CALN1: variants seen among roughly 807,000 people sequenced by gnomAD.
The protein encoded by CALN1 is calcium-binding protein 8.
CALN1 carries 17 observed loss-of-function variants against 30.6 expected under a neutral mutation model. The observed-to-expected ratio is 0.56, with a 90% CI of 0.38 to 0.83. The LOEUF is 0.83. Ranked by LOEUF, CALN1 falls within the 40% of genes least tolerant of loss-of-function variation. The pLI is 0.00. For synonymous variants in CALN1, 156 were observed against 131.4 expected (o/e 1.19, Z -1.28); for missense variants, 291 against 354.9 (o/e 0.82, Z 1.45).
chr7:72,027,100 T>C (rs1048639386), intron 4 of CALN1, among the ~76,000 whole-genome samples: 1 of 152,180 alleles, frequency 6.6e-6, no homozygotes, highest in Non-Finnish European at 1.5e-5. Flanking sequence ...ATGTTAGATA[T>C]TACAATGGCT....
intron 4 of CALN1, among the ~76,000 whole-genome samples, chr7:72,063,073 G>A (rs983806846): frequency 1.3e-5 from 2 of 152,052 alleles, no homozygotes; most frequent in African/African-American, 2.4e-5. Flanking sequence ...TACCTCTCAT[G>A]AACTTAGACA....
rs528603835 is a variant in CALN1, at chr7:72,444,388, G to A, written c.-226+2654C>T. ...CTTAATCCCAATTTATTACAGTCAC[G>A]AGGCTCTTTGATCTAACTGGCTCAG... On this transcript the variant is annotated intron_variant, in intron 1 of 6. Transcript: ENST00000395276. Among the ~76,000 whole-genome samples, 5 of 152,214 alleles carry A rather than the reference G, an allele frequency of 3.3e-5. No homozygotes were observed. In the South Asian group the frequency reaches 8.3e-4, roughly 25 times the overall value.
chr7:71,974,525 C>G (rs1224619698), intron 5 of CALN1, among the ~76,000 whole-genome samples: 3 of 151,668 alleles, frequency 2.0e-5, no homozygotes, highest in Non-Finnish European at 2.9e-5. Context: ...AGGCTAGGTG[C>G]CTGTTCCACC....
At chr7:72,184,426 A>G (rs1391996146) in intron 3 of CALN1, among the ~76,000 whole-genome samples, 1 of 152,158 alleles carries the variant, frequency 6.6e-6, no homozygotes, top group Non-Finnish European at 1.5e-5. Context: ...TTGTATTTTC[A>G]TATTTATGAG....
chr7:72,395,488 C>A (rs1445910661), intron 2 of CALN1, among the ~76,000 whole-genome samples: 1 of 152,164 alleles, frequency 6.6e-6, no homozygotes, highest in Non-Finnish European at 1.5e-5. Context: ...TTGATACTCT[C>A]CAAGAGGCAG....
At chr7:72,481,057 A>G in the CALN1 span, among the ~76,000 whole-genome samples, 1 of 152,090 alleles carries the variant, frequency 6.6e-6, no homozygotes, top group Non-Finnish European at 1.5e-5. Flanking sequence ...GGTTCAAGCG[A>G]TTCTCCTGCC....
chr7:71,957,615 T>TA (rs2129524806), intron 5 of CALN1, among the ~76,000 whole-genome samples: 1 of 152,270 alleles, frequency 6.6e-6, no homozygotes, highest in East Asian at 1.9e-4. Context: ...TCAGACAGAT[T>TA]AATGCAATTT....
chr7:72,187,313 T>C (rs1239183145), intron 3 of CALN1, among the ~76,000 whole-genome samples: 1 of 152,170 alleles, frequency 6.6e-6, no homozygotes. Flanking sequence ...CAAGGAATTC[T>C]TGTCCATAGA....
At chr7:72,433,871 A>G (rs544563925) in intron 1 of CALN1, among the ~76,000 whole-genome samples, 86 of 152,144 alleles carry the variant, frequency 5.7e-4, no homozygotes, top group African/African-American at 1.7e-3. Flanking sequence ...AGCCTGGGCA[A>G]CATAACAAGG....
chr7:72,055,124 A>C (rs1803169640), intron 4 of CALN1, among the ~76,000 whole-genome samples: 1 of 152,160 alleles, frequency 6.6e-6, no homozygotes, highest in Non-Finnish European at 1.5e-5. Flanking sequence ...TAACTCATTT[A>C]ATCCTCACAC....
At chr7:72,146,571 C>A (rs1407842521) in intron 3 of CALN1, among the ~76,000 whole-genome samples, 1 of 152,086 alleles carries the variant, frequency 6.6e-6, no homozygotes, top group Non-Finnish European at 1.5e-5. Context: ...CAATGCCATC[C>A]CCATCAAGCT....
intron 5 of CALN1, among the ~76,000 whole-genome samples, chr7:71,833,074 C>T (rs1372247572): frequency 1.3e-5 from 2 of 152,190 alleles, no homozygotes; most frequent in Admixed American, 6.5e-5. Flanking sequence ...CATTCTCTGA[C>T]GTGTCCTTCT....
chr7:72,110,070 T>C (rs753116333), intron 3 of CALN1, among the ~76,000 whole-genome samples: 12 of 152,220 alleles, frequency 7.9e-5, no homozygotes, highest in Non-Finnish European at 1.6e-4. Context: ...TCATCTCCAC[T>C]TCCCATTCCT....
intron 5 of CALN1, among the ~76,000 whole-genome samples, chr7:71,978,631 C>T (rs1055340484): frequency 1.3e-5 from 2 of 152,170 alleles, no homozygotes; most frequent in Non-Finnish European, 2.9e-5. Context: ...GCTGTGGCTC[C>T]AGGTGTTGTC....
intron 4 of CALN1, among the ~76,000 whole-genome samples, chr7:72,044,817 A>G (rs568765643): frequency 1.3e-5 from 2 of 151,826 alleles, no homozygotes; most frequent in African/African-American, 2.4e-5. Context: ...ATGGGGTCTC[A>G]CTATGTTCCC....
At chr7:71,869,670 C>T (rs1001251237) in intron 5 of CALN1, among the ~76,000 whole-genome samples, 12 of 152,190 alleles carry the variant, frequency 7.9e-5, no homozygotes, top group African/African-American at 2.9e-4. Context: ...TACTACTCTG[C>T]CATCCTGTTA....
At chr7:72,258,582 A>G (rs1796074713) in intron 3 of CALN1, among the ~76,000 whole-genome samples, 1 of 152,192 alleles carries the variant, frequency 6.6e-6, no homozygotes, top group African/African-American at 2.4e-5. Flanking sequence ...TCAGAATACT[A>G]TGGGAAACTA....
chr7:71,849,923 G>A (rs907476526), intron 5 of CALN1, among the ~76,000 whole-genome samples: 12 of 152,092 alleles, frequency 7.9e-5, no homozygotes, highest in East Asian at 1.9e-4. Context: ...TTGAGCCATC[G>A]CACTCAACCC....
At chr7:72,254,416 G>A (rs898206913) in intron 3 of CALN1, among the ~76,000 whole-genome samples, 3 of 152,240 alleles carry the variant, frequency 2.0e-5, no homozygotes, top group African/African-American at 7.2e-5. Flanking sequence ...AAAGAACAAC[G>A]TGATGCATGA....
Sources: allele counts gnomAD v4.1 joint callset (sites outside exome capture counted in the v4.1 genomes callset), GRCh38; gene constraint gnomAD v4.1.1; transcripts MANE v1.5; gene names NCBI Gene and HGNC (gene_info 2026-07-23, HGNC 2026-07-21).